ARFGAP3: variants seen among roughly 807,000 people sequenced by gnomAD.
ARFGAP3 encodes ARF GTPase activating protein 3.
A neutral mutation model predicts 75.0 loss-of-function variants in ARFGAP3; 72 were observed. That is an observed-to-expected ratio of 0.96 (90% CI 0.79 to 1.17). ARFGAP3 has a LOEUF of 1.17. Ranked by LOEUF, ARFGAP3 falls within the 50% of genes most tolerant of loss-of-function variation. The probability of loss-of-function intolerance (pLI) is 0.00; values close to 1 mark genes in which losing one functional copy is unlikely to be tolerated. For missense variants in ARFGAP3, 620 were observed against 626.6 expected (o/e 0.99, Z 0.11); for synonymous variants, 221 against 217.9 (o/e 1.01, Z -0.13).
chr22:42,853,616 G>C (rs377167833), intron 1 of ARFGAP3: 3 of 177,220 alleles, frequency 1.7e-5, no homozygotes, highest in Middle Eastern at 1.1e-3. Flanking sequence ...GTTTGAGACA[G>C]TGAATGTTGA....
rs192811936 is a variant in ARFGAP3, at chr22:42,820,741, G to A, written c.812+1529C>T. On this transcript the variant is annotated intron_variant, in intron 9 of 15. Coordinates refer to ENST00000263245, the MANE Select transcript of ARFGAP3 (RefSeq NM_014570.5). ...CCTTTCTGTGTAGCATGCACCCTCC[G>A]CCCTTCTCTCCTGATCTTTGGTACA... Among the ~76,000 whole-genome samples the A allele has an allele frequency of 4.0e-5, 6 of 151,140 alleles. No individual in the cohort carries two copies. The East Asian group carries it at 7.7e-4, about 19-fold the overall frequency.
chr22:42,830,170 T>A (rs1444411639), intron 6 of ARFGAP3, among the ~76,000 whole-genome samples: 1 of 152,032 alleles, frequency 6.6e-6, no homozygotes, highest in Non-Finnish European at 1.5e-5. Flanking sequence ...CGCTGGAGAG[T>A]GCAGTGGTGC....
At chr22:42,836,770 G>C (rs556162621) in intron 3 of ARFGAP3, among the ~76,000 whole-genome samples, 1 of 152,198 alleles carries the variant, frequency 6.6e-6, no homozygotes, top group South Asian at 2.1e-4. Flanking sequence ...TGCTTCATGG[G>C]CATCATCTCA....
intron 8 of ARFGAP3, among the ~76,000 whole-genome samples, chr22:42,822,919 C>G (rs891541293): frequency 2.0e-5 from 3 of 152,070 alleles, no homozygotes; most frequent in African/African-American, 7.2e-5. Flanking sequence ...AAGCGATCCT[C>G]CCACCTTAGT....
At chr22:42,816,356 G>A (rs1288459703) in intron 11 of ARFGAP3, among the ~76,000 whole-genome samples, 1 of 152,216 alleles carries the variant, frequency 6.6e-6, no homozygotes, top group Non-Finnish European at 1.5e-5. Context: ...TAGGTGACAA[G>A]TAAGTGAAAG....
rs1356694495 is a variant in ARFGAP3 at position 42,797,393 on chromosome 22, CAG to C, written c.*193_*194del. On this transcript the variant is annotated 3_prime_UTR_variant, in exon 16 of 16. Coordinates refer to ENST00000263245, the MANE Select transcript of ARFGAP3 (RefSeq NM_014570.5). ...GGGTGTGACAGGAAGGAACGTGAAA[CAG>C]AAATCACAGGAAAGCTCCTACATCA... 4 of 665,202 alleles carry C rather than the reference CAG, an allele frequency of 6.0e-6. No homozygotes were observed. The highest frequency in any genetic ancestry group is 5.5e-5 in the African/African-American group (3 of 54,540). The allele number at this position is 665,202 out of a possible 1,614,324, so 41.2% of individuals were successfully genotyped here. A position where few individuals can be genotyped will look rare whatever the true frequency, so the allele number is the denominator to read the frequency against.
intron 9 of ARFGAP3, among the ~76,000 whole-genome samples, chr22:42,821,764 C>T (rs1297032391): frequency 6.6e-6 from 1 of 152,184 alleles, no homozygotes; most frequent in Non-Finnish European, 1.5e-5. Flanking sequence ...AGTAGATTTG[C>T]TGGGTCACAT....
Position 42,827,182 on chromosome 22 carries a change from TAGA to T in ARFGAP3, c.566-186_566-184del, listed in dbSNP as rs900112914. The T allele has an allele frequency of 1.5e-5, 11 of 711,728 alleles. No individual in the cohort carries two copies. In the African/African-American group the frequency reaches 2.2e-4, roughly 14 times the overall value. 44.1% of individuals were successfully genotyped at this position (711,728 alleles called of 1,614,324 possible). ...ATTTTGACTTAAAAGTCCATTAAAGTAGAAGTTTATTTTTAATCCAATGGCTTT... is the reference window on the plus strand; with the variant it reads ...ATTTTGACTTAAAAGTCCATTAAAGTAGTTTATTTTTAATCCAATGGCTTT... On this transcript the variant is annotated intron_variant, in intron 6 of 15. Transcript: ENST00000263245.
chr22:42,797,307 A>T lies in ARFGAP3; in HGVS notation c.*281T>A. 1 of 444,620 alleles carries T rather than the reference A, an allele frequency of 2.2e-6. No individual in the cohort carries two copies. Among genetic ancestry groups the T allele is most frequent in the Non-Finnish European group, 4.0e-6 (1 of 248,260 alleles). The allele number at this position is 444,620 out of a possible 1,614,324, so 27.5% of individuals were successfully genotyped here. ...GAGGAGCCGAGGTCTCCAGGCCCTC[A>T]GTGTTGAAATCAAAGGTTCCAAGAA... On this transcript the variant is annotated 3_prime_UTR_variant, in exon 16 of 16. Coordinates refer to ENST00000263245, the MANE Select transcript of ARFGAP3 (RefSeq NM_014570.5).
intron 7 of ARFGAP3, among the ~76,000 whole-genome samples, chr22:42,824,051 C>A (rs1461939151): frequency 2.8e-5 from 4 of 143,092 alleles, no homozygotes; most frequent in Non-Finnish European, 6.1e-5. Flanking sequence ...TTTTTTGAGA[C>A]AGGGTCTCGC....
intron 1 of ARFGAP3, 195 bp from the exon 2 acceptor site, chr22:42,847,827 T>C (rs1336689295): frequency 1.1e-5 from 2 of 187,962 alleles, no homozygotes; most frequent in African/African-American, 4.8e-5. Flanking sequence ...TTATATATAA[T>C]TATATTAATT....
Position 42,799,065 on chromosome 22 carries a change from C to A in ARFGAP3, c.1507G>T (p.Ala503Ser). The change falls in exon 15 of 16, where the codon GCT (alanine) becomes TCT (serine). Residue 503 changes from alanine (A) to serine (S), a missense_variant. Physicochemically the swap from Ala to Ser is moderately conservative, Grantham distance 99. Transcript: ENST00000263245. Reference protein sequence around the residue: ...RSVAGKLSVFANGVVTSIQDR... With the variant: ...RSVAGKLSVFSNGVVTSIQDR... Reference sequence around the variant, plus strand: ...TGAATTGAAGTCACGACTCCATTAGCAAAGACGGAGAGTTTTCCAGCAACC... The same window carrying A: ...TGAATTGAAGTCACGACTCCATTAGAAAAGACGGAGAGTTTTCCAGCAACC... 3.1e-6 allele frequency: 5 copies of A among 1,614,150 alleles called. No individual in the cohort carries two copies. Among genetic ancestry groups the A allele is most frequent in the Non-Finnish European group, 4.2e-6 (5 of 1,180,036 alleles).
intron 1 of ARFGAP3, among the ~76,000 whole-genome samples, chr22:42,850,392 C>T (rs190281118): frequency 7.9e-5 from 12 of 151,498 alleles, no homozygotes; most frequent in Non-Finnish European, 1.5e-4. Flanking sequence ...GGCAACATGG[C>T]GAAACCCTAT....
intron 3 of ARFGAP3, among the ~76,000 whole-genome samples, chr22:42,837,674 T>TC (rs1373388549): frequency 8.2e-6 from 1 of 122,434 alleles, no homozygotes; most frequent in Non-Finnish European, 1.7e-5. Flanking sequence ...AAGGCATACT[T>TC]CTTTTTTTTT....
chr22:42,837,451 C>A (rs1005822773), intron 3 of ARFGAP3, among the ~76,000 whole-genome samples: 2 of 151,872 alleles, frequency 1.3e-5, no homozygotes, highest in African/African-American at 4.8e-5. Flanking sequence ...AAAACCCTGT[C>A]TCTACTAAAA....
At chr22:42,831,975 G>A (rs1264414779) in intron 5 of ARFGAP3, among the ~76,000 whole-genome samples, 1 of 151,886 alleles carries the variant, frequency 6.6e-6, no homozygotes, top group Non-Finnish European at 1.5e-5. Context: ...TAGAGAAGGA[G>A]TCTCACTATG....
At chr22:42,854,282 T>C (rs1182128732) in intron 1 of ARFGAP3, among the ~76,000 whole-genome samples, 1 of 152,128 alleles carries the variant, frequency 6.6e-6, no homozygotes, top group African/African-American at 2.4e-5. Context: ...CCAATCTATA[T>C]AAAAGTAAGG....
chr22:42,799,278 A>G, intron 14 of ARFGAP3, 118 bp from the exon 15 acceptor site: 2 of 1,520,674 alleles, frequency 1.3e-6, no homozygotes. Flanking sequence ...CTGCTGCCTC[A>G]CAAGGGGCCC....
In ARFGAP3 at chr22:42,832,865, A is replaced by T. The variant is rs573843414; in HGVS notation, c.478-1229T>A. The stretch of plus-strand genomic sequence containing the variant: ...CCAGGTGTGGTGGCACATGCCTATA[A>T]TCCCAGCTAGTTGGGAGGCTGAGGC... On this transcript the variant is annotated intron_variant, in intron 5 of 15. Coordinates refer to ENST00000263245, the MANE Select transcript of ARFGAP3 (RefSeq NM_014570.5). Among the ~76,000 whole-genome samples, 382 of 152,226 alleles carry T rather than the reference A, an allele frequency of 2.5e-3. 1 individual carries two copies. Among genetic ancestry groups the T allele is most frequent in the African/African-American group, 8.9e-3 (369 of 41,536 alleles).
Sources: allele counts gnomAD v4.1 joint callset (sites outside exome capture counted in the v4.1 genomes callset), GRCh38; gene constraint gnomAD v4.1.1; transcripts MANE v1.5; gene names NCBI Gene and HGNC (gene_info 2026-07-23, HGNC 2026-07-21).